SNX2: variants seen among roughly 807,000 people sequenced by gnomAD.
SNX2 encodes the protein sorting nexin 2.
In SNX2, 25 loss-of-function variants were observed where a neutral mutation model predicts 69.9. That is an observed-to-expected ratio of 0.36 (90% CI 0.26 to 0.50). SNX2 has a LOEUF of 0.50. SNX2 is among the 20% of genes least tolerant of loss of function. SNX2 has a pLI of 0.97. For synonymous variants in SNX2, 229 were observed against 200.4 expected (o/e 1.14, Z -1.20); for missense variants, 551 against 613.3 (o/e 0.90, Z 1.07).
intron 1 of SNX2, among the ~76,000 whole-genome samples, chr5:122,791,774 A>C (rs1353611402): frequency 6.6e-6 from 1 of 152,256 alleles, no homozygotes; most frequent in Non-Finnish European, 1.5e-5. Flanking sequence ...TAATTCTTTG[A>C]CATATCCATC....
intron 2 of SNX2, among the ~76,000 whole-genome samples, chr5:122,799,007 A>G (rs1753450224): frequency 6.6e-6 from 1 of 152,068 alleles, no homozygotes; most frequent in Admixed American, 6.6e-5. Context: ...CAGGTATGAT[A>G]TTTTACATTT....
At chr5:122,806,784 G>A (rs1294938566) in intron 6 of SNX2, among the ~76,000 whole-genome samples, 1 of 152,088 alleles carries the variant, frequency 6.6e-6, no homozygotes, top group Non-Finnish European at 1.5e-5. Context: ...AGTTCAGTCA[G>A]AGGTAGTTGT....
At position 122,829,627 on chromosome 5, in the gene SNX2, T is replaced by G; in HGVS notation, c.1539T>G (p.Pro513=). 1 of 1,613,562 alleles carries G rather than the reference T, an allele frequency of 6.2e-7. No individual in the cohort carries two copies. Among genetic ancestry groups the G allele is most frequent in the Non-Finnish European group, 8.5e-7 (1 of 1,179,468 alleles). Residue 513 remains proline (P), a synonymous_variant, in exon 15 of 15, where the codon CCT becomes CCG. Coordinates refer to ENST00000379516, the MANE Select transcript of SNX2 (RefSeq NM_003100.4). The stretch of plus-strand genomic sequence containing the variant: ...TAAAATACTGGGAAGCATTCCTACC[T>G]GAAGCCAAAGCCATTGCCTAGCAAT... The part of the protein sequence containing the change: ...QLIKYWEAFL[P]EAKAIA
intron 3 of SNX2, among the ~76,000 whole-genome samples, chr5:122,801,491 G>A (rs1753509327): frequency 6.6e-6 from 1 of 151,754 alleles, no homozygotes; most frequent in South Asian, 2.1e-4. Context: ...TGTAATCCCA[G>A]CTACTTGAGA....
chr5:122,808,475 G>A, intron 7 of SNX2, 120 bp downstream of exon 7: 1 of 632,786 alleles, frequency 1.6e-6, no homozygotes, highest in South Asian at 2.5e-5. Flanking sequence ...CCACTTGGTG[G>A]CTTTTAAGAC....
At position 122,808,322 on chromosome 5, in the gene SNX2, A is replaced by T. The variant is rs1351850625; in HGVS notation, c.689A>T (p.Glu230Val). ...GGTAAAGAAGACTCATCATCCACTG[A>T]GTTTGTAGAAAAACGGAGAGCAGCT... ...KVGKEDSSST[E>V]FVEKRRAALE... is the part of the protein sequence containing the mutation. The change falls in exon 7 of 15, where the codon GAG (glutamate) becomes GTG (valine). Residue 230 changes from glutamate to valine, a missense_variant. This residue lies in a region of SNX2 where 360 missense variants were observed against 450.4 expected (regional missense o/e 0.80). Coordinates refer to ENST00000379516, the MANE Select transcript of SNX2 (RefSeq NM_003100.4). 6.2e-7 allele frequency: 1 copy of T among 1,611,576 alleles called. No homozygotes were observed.
intron 1 of SNX2, among the ~76,000 whole-genome samples, chr5:122,779,548 C>T (rs1752924085): frequency 6.6e-6 from 1 of 152,078 alleles, no homozygotes; most frequent in Non-Finnish European, 1.5e-5. Context: ...GTTTGTTTAA[C>T]CATTTGTTGA....
chr5:122,816,901 T>A lies in SNX2; in HGVS notation c.799-14T>A. ...TAACCGGTTTGTTTGCCCTTATTTG[T>A]CATTCAATTCCAGCTGCCTAGAGCA... On this transcript the variant is annotated splice_polypyrimidine_tract_variant and intron_variant, in intron 8 of 14. Transcript: ENST00000379516. 1.3e-6 allele frequency: 2 copies of A among 1,551,144 alleles called. No individual in the cohort carries two copies. The highest frequency in any genetic ancestry group is 1.8e-6 in the Non-Finnish European group (2 of 1,125,850).
rs1581619170 is a variant in SNX2, at chr5:122,775,516, T to A, written c.108+305T>A. On this transcript the variant is annotated intron_variant, in intron 1 of 14. Transcript: ENST00000379516. ...GGCCTTCCTCGGTGTCTCTTGCACG[T>A]CCTCCTCTTCAAGCCGGAGAAGGGC... The A allele has an allele frequency of 4.7e-6, 5 of 1,062,396 alleles. No homozygotes were observed. The East Asian group carries it at 3.2e-4, about 68-fold the overall frequency. The allele number at this position is 1,062,396 out of a possible 1,614,324, so 65.8% of individuals were successfully genotyped here. A position where few individuals can be genotyped will look rare whatever the true frequency, so the allele number is the denominator to read the frequency against.
Position 122,826,175 on chromosome 5 carries a change from T to C in SNX2, c.1338T>C (p.Ala446=), listed in dbSNP as rs746918749. Residue 446 remains alanine (A), a synonymous_variant, in exon 12 of 15, where the codon GCT becomes GCC. Coordinates refer to ENST00000379516, the MANE Select transcript of SNX2 (RefSeq NM_003100.4). ...ACAAACCAGATAAAATACAGCAAGC[T>C]AAAAATGAAATAAGAGAGGTGATTA... ...VANKPDKIQQ[A]KNEIREWEAK... is the part of the protein sequence containing the mutation. The C allele has an allele frequency of 6.2e-7, 1 of 1,612,498 alleles. No homozygotes were observed. The highest frequency in any genetic ancestry group is 1.1e-5 in the South Asian group (1 of 90,984).
In SNX2 at chr5:122,796,876, T is replaced by C. The variant is rs559513363; in HGVS notation, c.226+1493T>C. Among the ~76,000 whole-genome samples the C allele has an allele frequency of 5.3e-5, 8 of 152,268 alleles. No homozygotes were observed. The South Asian group carries it at 1.7e-3, about 32-fold the overall frequency. ...CAGTATGCACAGCTGATCAAAGAGT[T>C]AGCCAAGTGAGGACTATACAATGAT... On this transcript the variant is annotated intron_variant, in intron 2 of 14. Transcript: ENST00000379516.
intron 1 of SNX2, among the ~76,000 whole-genome samples, chr5:122,784,579 G>A (rs925091424): frequency 2.0e-5 from 3 of 151,398 alleles, no homozygotes; most frequent in Non-Finnish European, 2.9e-5. Context: ...AATCAGCGTT[G>A]CATTCTTGGG....
rs1357650710 is a variant in SNX2 at position 122,829,962 on chromosome 5, A to G, written c.*314A>G. On this transcript the variant is annotated 3_prime_UTR_variant, in exon 15 of 15. Transcript: ENST00000379516. ...CACTGCAAGACCAGAAAATTTTACA[A>G]TATTTTTTCTTTACAATATGTTCTG... 1.0e-5 allele frequency: 3 copies of G among 299,236 alleles called. No individual in the cohort carries two copies. Among genetic ancestry groups the G allele is most frequent in the Non-Finnish European group, 1.9e-5 (3 of 158,820 alleles). 18.5% of individuals were successfully genotyped at this position (299,236 alleles called of 1,614,324 possible).
At chr5:122,776,320 T>G (rs1214880405) in intron 1 of SNX2, among the ~76,000 whole-genome samples, 2 of 152,164 alleles carry the variant, frequency 1.3e-5, no homozygotes, top group African/African-American at 4.8e-5. Flanking sequence ...GCTAATTGTA[T>G]ATGCAGTGTC....
intron 1 of SNX2, among the ~76,000 whole-genome samples, chr5:122,792,334 C>T (rs1378254149): frequency 6.6e-6 from 1 of 152,208 alleles, no homozygotes; most frequent in African/African-American, 2.4e-5. Context: ...TGGCTCACGC[C>T]TGTAATCCCA....
chr5:122,778,822 A>G (rs1343029389), intron 1 of SNX2, among the ~76,000 whole-genome samples: 1 of 152,160 alleles, frequency 6.6e-6, no homozygotes, highest in African/African-American at 2.4e-5. Flanking sequence ...CCCTTTCAAA[A>G]TTAATAACAG....
intron 1 of SNX2, among the ~76,000 whole-genome samples, chr5:122,779,685 T>G (rs1752928917): frequency 6.6e-6 from 1 of 152,216 alleles, no homozygotes; most frequent in Non-Finnish European, 1.5e-5. Flanking sequence ...TTTGAAGAGT[T>G]GCCAGACTGG....
intron 1 of SNX2, chr5:122,775,528 A>C: frequency 9.6e-7 from 1 of 1,045,524 alleles, no homozygotes; most frequent in Non-Finnish European, 1.2e-6. Context: ...CTCCTCTTCA[A>C]GCCGGAGAAG....
At chr5:122,811,483 C>T (rs1753774506) in intron 7 of SNX2, among the ~76,000 whole-genome samples, 1 of 152,268 alleles carries the variant, frequency 6.6e-6, no homozygotes, top group Admixed American at 6.5e-5. Flanking sequence ...TGTGCTAATA[C>T]TACACACTTT....
Sources: gnomAD v4.1 joint callset for allele counts (sites outside exome capture counted in the v4.1 genomes callset) on GRCh38, gnomAD v4.1.1 for gene constraint, gnomAD v4.1.1 regional missense constraint, MANE v1.5 for transcripts, NCBI Gene and HGNC (gene_info 2026-07-23, HGNC 2026-07-21) for gene names.